The following PKP2 variants were observed in gnomAD, a reference collection of about 807,000 sequenced individuals.
PKP2 encodes the protein plakophilin-2.
PKP2 carries 73 observed loss-of-function variants against 83.4 expected under a neutral mutation model. The ratio of observed to expected loss-of-function variants is 0.88; its 90% confidence interval spans 0.72 to 1.06. The LOEUF is 1.06. Among genes scored for constraint, PKP2 ranks in the 50% least tolerant of loss-of-function variants. The probability of loss-of-function intolerance (pLI) is 0.00; values close to 1 mark genes in which losing one functional copy is unlikely to be tolerated. For missense variants in PKP2, 966 were observed against 1,065.4 expected, an observed-to-expected ratio of 0.91 and a Z score of 1.30; for synonymous variants, 409 against 430.4, an observed-to-expected ratio of 0.95 and a Z score of 0.62.
intron 3 of PKP2, among the ~76,000 whole-genome samples, chr12:32,873,407 T>A (rs543407273): frequency 6.6e-6 from 1 of 151,546 alleles, no homozygotes; most frequent in African/African-American, 2.4e-5. Context: ...CCTGCTCTTG[T>A]GTTCTTTAAA....
At chr12:32,806,686 T>TGTGTGTGTGTGTGTGTGTGTG in intron 9 of PKP2, among the ~76,000 whole-genome samples, 2 of 149,718 alleles carry the variant, frequency 1.3e-5, no homozygotes, top group East Asian at 4.0e-4. Context: ...TTTGAAGGGT[T>TGTGTGTGTGTGTGTGTGTGTG]TGTGTGTGTG....
chr12:32,824,778 A>C (rs1320654674), intron 6 of PKP2, among the ~76,000 whole-genome samples: 1 of 152,228 alleles, frequency 6.6e-6, no homozygotes, highest in Non-Finnish European at 1.5e-5. Context: ...TATGACCTAT[A>C]AATATCTTTA....
intron 4 of PKP2, among the ~76,000 whole-genome samples, chr12:32,865,261 G>A (rs370548840): frequency 1.8e-4 from 27 of 151,646 alleles, no homozygotes; most frequent in African/African-American, 6.3e-4. Context: ...TGTAATCCCA[G>A]CTCTTCAGAA....
chr12:32,855,734 C>T (rs925579853), intron 4 of PKP2, among the ~76,000 whole-genome samples: 3 of 143,266 alleles, frequency 2.1e-5, no homozygotes, highest in African/African-American at 8.0e-5. Context: ...CGAGATCAAG[C>T]CTCTGCACTC....
chr12:32,806,796 T>C (rs1306588486), intron 9 of PKP2, among the ~76,000 whole-genome samples: 1 of 152,106 alleles, frequency 6.6e-6, no homozygotes, highest in Non-Finnish European at 1.5e-5. Context: ...GTTGTGATGT[T>C]AGGTTGATAC....
rs897386068 is a variant in PKP2, at chr12:32,791,577, A to G, written c.*847T>C. 3 of 152,264 alleles carry G rather than the reference A, an allele frequency of 2.0e-5. No homozygotes were observed. Among genetic ancestry groups the G allele is most frequent in the South Asian group, 2.1e-4 (1 of 4,828 alleles). 9.4% of individuals were successfully genotyped at this position (152,264 alleles called of 1,614,324 possible). On this transcript the variant is annotated 3_prime_UTR_variant, in exon 13 of 13. Transcript: ENST00000340811. ...AAGTCCAGGAAAGGCATTACATAGA[A>G]TGCCATCGTTTAGAAGAGATTTGGA... is the stretch of plus-strand genomic sequence containing the variant.
chr12:32,877,605 C>A (rs866403853), intron 3 of PKP2, among the ~76,000 whole-genome samples: 1 of 152,220 alleles, frequency 6.6e-6, no homozygotes, highest in South Asian at 2.1e-4. Context: ...TAATCTGGAA[C>A]AGATGGACTA....
chr12:32,853,045 C>T (rs1956714597), intron 4 of PKP2, among the ~76,000 whole-genome samples: 1 of 152,132 alleles, frequency 6.6e-6, no homozygotes, highest in Non-Finnish European at 1.5e-5. Flanking sequence ...AATGGCACCA[C>T]TGCACTCTAG....
intron 1 of PKP2, among the ~76,000 whole-genome samples, chr12:32,885,533 T>G (rs552752764): frequency 6.6e-6 from 1 of 151,990 alleles, no homozygotes. Flanking sequence ...AAAAATTAGC[T>G]AGGTGTGCTG....
intron 3 of PKP2, among the ~76,000 whole-genome samples, chr12:32,870,781 T>TA (rs1003963852): frequency 1.3e-4 from 20 of 151,940 alleles, no homozygotes; most frequent in African/African-American, 3.1e-4. Flanking sequence ...GCTTTTTTTT[T>TA]AAAAAAAGAT....
chr12:32,841,946 T>C (rs185667031), intron 5 of PKP2, among the ~76,000 whole-genome samples: 1 of 152,182 alleles, frequency 6.6e-6, no homozygotes, highest in African/African-American at 2.4e-5. Flanking sequence ...TAGTACCCTA[T>C]TTACTCATTA....
intron 3 of PKP2, among the ~76,000 whole-genome samples, chr12:32,871,914 C>T (rs996359834): frequency 1.3e-5 from 2 of 152,150 alleles, no homozygotes; most frequent in African/African-American, 4.8e-5. Context: ...ACAGCTAGAG[C>T]TATTCTTTCC....
chr12:32,840,771 G>A (rs1956582763), intron 6 of PKP2, among the ~76,000 whole-genome samples: 1 of 152,110 alleles, frequency 6.6e-6, no homozygotes, highest in Admixed American at 6.5e-5. Flanking sequence ...AAAATAAACT[G>A]TGTAGGCCGG....
chr12:32,850,539 C>G (rs1956686227), intron 5 of PKP2, among the ~76,000 whole-genome samples: 1 of 150,500 alleles, frequency 6.6e-6, no homozygotes, highest in African/African-American at 2.5e-5. Flanking sequence ...GCACCTCAGC[C>G]TGGGTGATAG....
At chr12:32,849,897 A>C (rs532997207) in intron 5 of PKP2, among the ~76,000 whole-genome samples, 1 of 152,328 alleles carries the variant, frequency 6.6e-6, no homozygotes, top group South Asian at 2.1e-4. Context: ...GATTGGAAAA[A>C]ACAGTTTCTA....
At chr12:32,871,753 C>T (rs188195797) in intron 3 of PKP2, among the ~76,000 whole-genome samples, 3 of 152,244 alleles carry the variant, frequency 2.0e-5, no homozygotes, top group Admixed American at 2.0e-4. Flanking sequence ...CGTGGGCCAC[C>T]GTGCCCAGCC....
intron 9 of PKP2, among the ~76,000 whole-genome samples, chr12:32,819,290 AT>A (rs1565579762): frequency 7.0e-5 from 1 of 14,270 alleles, no homozygotes; most frequent in Non-Finnish European, 4.3e-4. Context: ...AATAAATACA[AT>A]ACAATACAAT....
chr12:32,809,253 C>T (rs2137742518), intron 9 of PKP2, among the ~76,000 whole-genome samples: 1 of 152,286 alleles, frequency 6.6e-6, no homozygotes, highest in South Asian at 2.1e-4. Context: ...GAGGCCCTGC[C>T]CAGTGAGGAG....
At position 32,821,412 on chromosome 12, in the gene PKP2, A is replaced by C. The variant is rs1421219287; in HGVS notation, c.1957T>G (p.Tyr653Asp). The change falls in exon 9 of 13, where the codon TAC (tyrosine) becomes GAC (aspartate). Residue 653 changes from tyrosine (Y) to aspartate (D), a missense_variant. Transcript: ENST00000340811. ...LSLIAKSVRN[Y>D]TQEASLGALQ... ...GCTCCTAAGGATGCTTCTTGTGTGTAGTTGCGGACACTTTTGGCGATCAAG... is the reference window on the plus strand; with the variant it reads ...GCTCCTAAGGATGCTTCTTGTGTGTCGTTGCGGACACTTTTGGCGATCAAG... 3 of 1,613,988 alleles carry C rather than the reference A, an allele frequency of 1.9e-6. No individual in the cohort carries two copies. Among genetic ancestry groups the C allele is most frequent in the African/African-American group, 2.7e-5 (2 of 74,888 alleles).
Sources: gnomAD v4.1 joint callset for allele counts (sites outside exome capture counted in the v4.1 genomes callset) on GRCh38, gnomAD v4.1.1 for gene constraint, MANE v1.5 for transcripts, NCBI Gene and HGNC (gene_info 2026-07-23, HGNC 2026-07-21) for gene names.